RHOJ: variants seen among roughly 807,000 people sequenced by gnomAD.
The protein encoded by RHOJ is rho-related GTP-binding protein RhoJ.
Under a neutral mutation model 23.4 loss-of-function variants are expected in RHOJ, and 11 were observed. The ratio of observed to expected loss-of-function variants is 0.47; its 90% CI spans 0.30 to 0.78. The LOEUF (loss-of-function observed/expected upper bound fraction) is 0.78, where lower values mean the gene tolerates loss of function less well. Ranked by LOEUF, RHOJ falls within the 30% of genes least tolerant of loss-of-function variation. RHOJ has a pLI of 0.08. For synonymous variants in RHOJ, 102 were observed against 102.7 expected (o/e 0.99, Z 0.04); for missense variants, 254 against 273.4 (o/e 0.93, Z 0.50).
intron 1 of RHOJ, among the ~76,000 whole-genome samples, chr14:63,232,818 T>A (rs565005025): frequency 6.8e-5 from 10 of 147,454 alleles, no homozygotes; most frequent in South Asian, 2.3e-4. Flanking sequence ...CAACTCAGCC[T>A]CCCAAGTAGC....
At chr14:63,238,291 T>A (rs1894824384) in intron 1 of RHOJ, among the ~76,000 whole-genome samples, 1 of 152,208 alleles carries the variant, frequency 6.6e-6, no homozygotes, top group Non-Finnish European at 1.5e-5. Flanking sequence ...AAAAATGTAG[T>A]TCAGACCAGA....
rs187277942 is a variant in RHOJ at position 63,248,291 on chromosome 14, G to A, written c.179-20819G>A. On this transcript the variant is annotated intron_variant, in intron 1 of 4. Transcript: ENST00000316754. ...CAAGGCAAATGCAACTAAAAGAAGT[G>A]GAACATTTGTAGAGCTAAAGAAATA... is the stretch of plus-strand genomic sequence containing the variant. Among the ~76,000 whole-genome samples the A allele has an allele frequency of 2.2e-3, 330 of 152,194 alleles. 2 individuals are homozygous for A. Among genetic ancestry groups the A allele is most frequent in the Non-Finnish European group, 4.1e-3 (282 of 68,002 alleles).
chr14:63,267,490 T>G (rs1158967179), intron 1 of RHOJ, among the ~76,000 whole-genome samples: 1 of 152,254 alleles, frequency 6.6e-6, no homozygotes, highest in East Asian at 1.9e-4. Flanking sequence ...CTGCATGTAC[T>G]GGGCTCACCT....
chr14:63,215,314 C>T (rs1894331429), intron 1 of RHOJ, among the ~76,000 whole-genome samples: 1 of 152,194 alleles, frequency 6.6e-6, no homozygotes, highest in Non-Finnish European at 1.5e-5. Flanking sequence ...TTTACAATCA[C>T]TCTTACTAAA....
At position 63,293,206 on chromosome 14, in the gene RHOJ, A is replaced by G. The variant is rs1882303981; in HGVS notation, c.*2182A>G. On this transcript the variant is annotated 3_prime_UTR_variant, in exon 5 of 5. Coordinates refer to ENST00000316754, the MANE Select transcript of RHOJ (RefSeq NM_020663.5). ...GAACTTTTAGTCCTGTAATAAATGA[A>G]ATGTTATTAGGCAGCTTTGTTGCAT... 1 of 152,250 alleles carries G rather than the reference A, an allele frequency of 6.6e-6. No individual in the cohort carries two copies. Among genetic ancestry groups the G allele is most frequent in the Admixed American group, 6.5e-5 (1 of 15,286 alleles). The allele number at this position is 152,250 out of a possible 1,614,324, so 9.4% of individuals were successfully genotyped here.
At chr14:63,250,311 C>T (rs1444053754) in intron 1 of RHOJ, among the ~76,000 whole-genome samples, 1 of 152,148 alleles carries the variant, frequency 6.6e-6, no homozygotes, top group Non-Finnish European at 1.5e-5. Context: ...GTGGCCCGAA[C>T]ATGGCTCACT....
chr14:63,249,701 T>C (rs1895034649), intron 1 of RHOJ, among the ~76,000 whole-genome samples: 1 of 152,224 alleles, frequency 6.6e-6, no homozygotes, highest in African/African-American at 2.4e-5. Flanking sequence ...TCTAAGCTTA[T>C]ATGTTATACC....
intron 1 of RHOJ, among the ~76,000 whole-genome samples, chr14:63,239,499 A>G (rs1056310197): frequency 1.3e-5 from 2 of 152,168 alleles, no homozygotes; most frequent in African/African-American, 4.8e-5. Context: ...GAGCCCACAG[A>G]TTTTCTGTAA....
chr14:63,222,611 T>C (rs1203047249), intron 1 of RHOJ, among the ~76,000 whole-genome samples: 1 of 152,224 alleles, frequency 6.6e-6, no homozygotes, highest in Non-Finnish European at 1.5e-5. Context: ...CTGTTGGCTG[T>C]GTAAATGTCT....
intron 2 of RHOJ, among the ~76,000 whole-genome samples, chr14:63,274,568 G>C (rs1029050922): frequency 6.6e-6 from 1 of 152,196 alleles, no homozygotes; most frequent in African/African-American, 2.4e-5. Context: ...TCCAGGACCA[G>C]CAGCTGTTGT....
intron 1 of RHOJ, among the ~76,000 whole-genome samples, chr14:63,215,860 C>A (rs9788522): frequency 0.16 from 24,959 of 152,062 alleles, 3,561 homozygotes; most frequent in African/African-American, 0.38. Context: ...GTCCTCCATA[C>A]CTGGGAATGA....
intron 1 of RHOJ, among the ~76,000 whole-genome samples, chr14:63,207,778 C>G (rs1348409181): frequency 6.6e-6 from 1 of 152,162 alleles, no homozygotes; most frequent in African/African-American, 2.4e-5. Context: ...CTCTCTGTGC[C>G]TCAGTTATCA....
rs17100990 is a variant in RHOJ, at chr14:63,291,388, A to G, written c.*364A>G. On this transcript the variant is annotated 3_prime_UTR_variant, in exon 5 of 5. Coordinates refer to ENST00000316754, the MANE Select transcript of RHOJ (RefSeq NM_020663.5). ...CCAGGGAACCCGAAAAAGAAACTTGATTCCTCTATTGCTGGCCTTACTTGA... is the reference window on the plus strand; with the variant it reads ...CCAGGGAACCCGAAAAAGAAACTTGGTTCCTCTATTGCTGGCCTTACTTGA... 7,453 of 309,694 alleles carry G rather than the reference A, an allele frequency of 0.024. 529 individuals carry two copies. Among genetic ancestry groups the G allele is most frequent in the African/African-American group, 0.15 (6,941 of 45,530 alleles). 19.2% of individuals were successfully genotyped at this position (309,694 alleles called of 1,614,324 possible).
chr14:63,287,044 G>A (rs769283101), intron 4 of RHOJ, among the ~76,000 whole-genome samples: 7 of 152,150 alleles, frequency 4.6e-5, no homozygotes, highest in Non-Finnish European at 7.3e-5. Context: ...CTTTAGATAC[G>A]AGCTTACTCT....
chr14:63,228,411 G>T (rs1478683154), intron 1 of RHOJ, among the ~76,000 whole-genome samples: 3 of 152,126 alleles, frequency 2.0e-5, no homozygotes, highest in Non-Finnish European at 4.4e-5. Flanking sequence ...TGGCAGCGTT[G>T]TTTGTAATAG....
At chr14:63,283,645 G>C (rs1881982096) in intron 4 of RHOJ, among the ~76,000 whole-genome samples, 1 of 152,104 alleles carries the variant, frequency 6.6e-6, no homozygotes, top group African/African-American at 2.4e-5. Flanking sequence ...CATCTGGCAG[G>C]GTTATATTTG....
intron 1 of RHOJ, among the ~76,000 whole-genome samples, chr14:63,237,545 C>G (rs1894811434): frequency 6.6e-6 from 1 of 152,154 alleles, no homozygotes; most frequent in Non-Finnish European, 1.5e-5. Flanking sequence ...AAGCAGGAGA[C>G]TAGTATGTGG....
In RHOJ at chr14:63,211,938, C is replaced by A. The variant is rs189048883; in HGVS notation, c.178+6891C>A. Among the ~76,000 whole-genome samples, 74 of 152,268 alleles carry A rather than the reference C, an allele frequency of 4.9e-4. No individual in the cohort carries two copies. The East Asian group carries it at 0.014, about 28-fold the overall frequency. On this transcript the variant is annotated intron_variant, in intron 1 of 4. Transcript: ENST00000316754. ...ATAAAAGAGCCACTGTTAGTTAGGA[C>A]CTGCTATTAACAAGTAAACCAAACA...
chr14:63,287,754 T>C (rs547559688), intron 4 of RHOJ, among the ~76,000 whole-genome samples: 1 of 152,260 alleles, frequency 6.6e-6, no homozygotes, highest in Non-Finnish European at 1.5e-5. Context: ...TGAAAATAAG[T>C]CATTTGGGTA....
Sources: gnomAD v4.1 joint callset for allele counts (sites outside exome capture counted in the v4.1 genomes callset) on GRCh38, gnomAD v4.1.1 for gene constraint, MANE v1.5 for transcripts, NCBI Gene and HGNC (gene_info 2026-07-23, HGNC 2026-07-21) for gene names.